HECTD4: variants seen among roughly 807,000 people sequenced by gnomAD.
HECTD4 encodes HECT domain E3 ubiquitin protein ligase 4, also known as probable E3 ubiquitin-protein ligase HECTD4.
In HECTD4, 114 loss-of-function variants were observed where a neutral mutation model predicts 471.5. That is an observed-to-expected ratio of 0.24 (90% confidence interval 0.21 to 0.28). The LOEUF is 0.28. HECTD4 is among the 10% of genes least tolerant of loss of function. HECTD4 has a pLI of 1.00. For missense variants in HECTD4, 3,866 were observed against 5,651.5 expected (o/e 0.68, Z 10.13); for synonymous variants, 2,012 against 2,256.0 (o/e 0.89, Z 3.07).
intron 4 of HECTD4, among the ~76,000 whole-genome samples, chr12:112,309,881 TCAGACAGTTACCAG>T (rs1249545206): frequency 6.6e-6 from 1 of 152,172 alleles, no homozygotes; most frequent in Non-Finnish European, 1.5e-5. Context: ...CAAGATATGG[TCAGACAGTTACCAG>T]CAGGGGAATG....
chr12:112,371,859 C>A (rs1487599872), intron 1 of HECTD4, among the ~76,000 whole-genome samples: 1 of 131,592 alleles, frequency 7.6e-6, no homozygotes. Flanking sequence ...GCACTCCAGA[C>A]TGGGCAACAA....
At chr12:112,257,697 A>C (rs1272840566) in intron 20 of HECTD4, among the ~76,000 whole-genome samples, 1 of 152,214 alleles carries the variant, frequency 6.6e-6, no homozygotes, top group Non-Finnish European at 1.5e-5. Context: ...ATTAGAGTCC[A>C]TTGTATGACT....
At chr12:112,364,584 C>T (rs553695173) in intron 1 of HECTD4, among the ~76,000 whole-genome samples, 1 of 152,090 alleles carries the variant, frequency 6.6e-6, no homozygotes, top group South Asian at 2.1e-4. Context: ...CAAAAATTAG[C>T]CAGCCGTGGT....
chr12:112,258,651 G>T, intron 19 of HECTD4, 55 bp from the exon 20 acceptor site: 1 of 1,408,172 alleles, frequency 7.1e-7, no homozygotes, highest in Non-Finnish European at 9.7e-7. Context: ...TTATCTGAAT[G>T]GTATGACAGC....
rs1180564086 is a variant in HECTD4 at position 112,161,122 on chromosome 12, C to G, written c.*1265G>C. The G allele has an allele frequency of 1.3e-5, 2 of 152,214 alleles. No homozygotes were observed. Among genetic ancestry groups the G allele is most frequent in the African/African-American group, 4.8e-5 (2 of 41,444 alleles). The allele number at this position is 152,214 out of a possible 1,614,324, so 9.4% of individuals were successfully genotyped here. On this transcript the variant is annotated 3_prime_UTR_variant, in exon 76 of 76. Coordinates refer to ENST00000682272, the MANE Select transcript of HECTD4 (RefSeq NM_001388303.1). The stretch of plus-strand genomic sequence containing the variant: ...GCACTCACTCAAAACTTCCAATATT[C>G]ACAATATTATACAATAAATACAGCG...
chr12:112,312,009 C>A (rs976201324), intron 4 of HECTD4, among the ~76,000 whole-genome samples: 1 of 152,160 alleles, frequency 6.6e-6, no homozygotes, highest in Non-Finnish European at 1.5e-5. Context: ...TGGAAAGGTA[C>A]AAGCCCTGGG....
rs981379663 is a variant in HECTD4 at position 112,162,931 on chromosome 12, G to T, written c.13120+111C>A. The T allele has an allele frequency of 2.3e-6, 2 of 887,418 alleles. No homozygotes were observed. The highest frequency in any genetic ancestry group is 3.5e-6 in the Non-Finnish European group (2 of 564,786). 55.0% of individuals were successfully genotyped at this position (887,418 alleles called of 1,614,324 possible). On this transcript the variant is annotated intron_variant, in intron 75 of 75. Coordinates refer to ENST00000682272, the MANE Select transcript of HECTD4 (RefSeq NM_001388303.1). This position sits in a 1 kb window ranked among gnomAD's most constrained non-coding sequence, Gnocchi z 5.2. Reference sequence around the variant, plus strand: ...CTCAATGATGTCTGAGTTTTGGCACGTGGGGCTCCTGTTCATTGTTCTCCC... The same window carrying T: ...CTCAATGATGTCTGAGTTTTGGCACTTGGGGCTCCTGTTCATTGTTCTCCC...
At chr12:112,190,000 C>T (rs200022931) in intron 60 of HECTD4, among the ~76,000 whole-genome samples, 1 of 152,148 alleles carries the variant, frequency 6.6e-6, no homozygotes, top group Non-Finnish European at 1.5e-5. Flanking sequence ...GTGATCAACC[C>T]GCCTTGGCCT....
In HECTD4 at chr12:112,332,322, C is replaced by T. The variant is rs897399756; in HGVS notation, c.178-12580G>A. On this transcript the variant is annotated intron_variant, in intron 1 of 75. Transcript: ENST00000682272. ...CTGAGGCAGGTGGATCACCTAAGGT[C>T]GGGAGTTTGAGACCAGCCTGGCCAA... 3.9e-5 allele frequency among the ~76,000 whole-genome samples: 6 copies of T among 152,076 alleles called. No homozygotes were observed. The South Asian group carries it at 1.0e-3, about 26-fold the overall frequency.
chr12:112,380,240 T>G (rs1353606807), intron 1 of HECTD4, among the ~76,000 whole-genome samples: 1 of 151,842 alleles, frequency 6.6e-6, no homozygotes, highest in Non-Finnish European at 1.5e-5. Flanking sequence ...AGGTCAGGAG[T>G]TCGAGACCAG....
chr12:112,193,518 C>T lies in HECTD4; in HGVS notation c.8906G>A (p.Gly2969Asp). The change falls in exon 57 of 76, where the codon GGC (glycine) becomes GAC (aspartate). Residue 2969 changes from glycine (G) to aspartate (D), a missense_variant. Physicochemically the swap from Gly to Asp is moderately conservative, Grantham distance 94. Transcript: ENST00000682272. This position sits in a 1 kb window ranked among gnomAD's most constrained non-coding sequence, Gnocchi z 5.2. ...CGTCAGCTCTAAAAGGCTCTCCTCG[C>T]CCTGGTGCAGGGTCCGGGTGATGGC... is the stretch of plus-strand genomic sequence containing the variant. ...NVAITRTLHQ[G>D]EESLLELTKQ... The T allele has an allele frequency of 6.2e-7, 1 of 1,612,236 alleles. No individual in the cohort carries two copies. The highest frequency in any genetic ancestry group is 8.5e-7 in the Non-Finnish European group (1 of 1,179,224).
At chr12:112,171,327 G>C in intron 67 of HECTD4, 64 bp from the exon 68 acceptor site, 2 of 1,545,086 alleles carry the variant, frequency 1.3e-6, no homozygotes, top group Admixed American at 2.0e-5. Context: ...TGACTCACAG[G>C]CAACACAGGC....
intron 64 of HECTD4, among the ~76,000 whole-genome samples, chr12:112,178,251 A>G (rs2031531794): frequency 6.6e-6 from 1 of 151,908 alleles, no homozygotes; most frequent in Admixed American, 6.6e-5. Context: ...TAATTTTTAT[A>G]TTGTTTTGTA....
intron 44 of HECTD4, among the ~76,000 whole-genome samples, chr12:112,219,875 C>T (rs984672947): frequency 2.0e-5 from 3 of 152,210 alleles, no homozygotes; most frequent in African/African-American, 7.2e-5. Context: ...GCTGGGATTA[C>T]AGGCTTGAGC....
intron 54 of HECTD4, 79 bp from the exon 55 acceptor site, chr12:112,200,877 G>T: frequency 3.3e-6 from 4 of 1,215,496 alleles, no homozygotes; most frequent in Non-Finnish European, 4.6e-6. Context: ...GTGTGTGTGC[G>T]TGCGTGCGTG....
rs779910340 is a variant in HECTD4, at chr12:112,193,033, A to G, written c.9086+28T>C. 1.9e-6 allele frequency: 3 copies of G among 1,612,956 alleles called. No individual in the cohort carries two copies. The Admixed American group carries it at 5.0e-5, about 27-fold the overall frequency. On this transcript the variant is annotated intron_variant, in intron 58 of 75. Coordinates refer to ENST00000682272, the MANE Select transcript of HECTD4 (RefSeq NM_001388303.1). The surrounding 1 kb of genome is among the most constrained non-coding windows in gnomAD (Gnocchi z 5.2). ...TTCATTTAGCTTTCCTCTCCCCATC[A>G]CCATCTTCTTGAGAACAGGCAACTT...
intron 4 of HECTD4, among the ~76,000 whole-genome samples, chr12:112,311,980 T>A (rs1270357243): frequency 6.6e-6 from 1 of 152,204 alleles, no homozygotes; most frequent in African/African-American, 2.4e-5. Flanking sequence ...CATGCCTGTT[T>A]AGAAGAAATG....
chr12:112,223,183 C>T lies in HECTD4; in HGVS notation c.6970+3460G>A, dbSNP rs11066200. ...AATTCTGACTTTGTAATCATGCTTC[C>T]CAGGAGTTCTGAGGAACTTCCAAAG... On this transcript the variant is annotated intron_variant, in intron 44 of 75. Transcript: ENST00000682272. 0.055 allele frequency among the ~76,000 whole-genome samples: 8,425 copies of T among 152,130 alleles called. 1,288 individuals carry two copies. In the East Asian group the frequency reaches 0.61, roughly 11 times the overall value.
intron 9 of HECTD4, among the ~76,000 whole-genome samples, chr12:112,278,074 G>A (rs572724035): frequency 6.6e-6 from 1 of 151,982 alleles, no homozygotes; most frequent in Non-Finnish European, 1.5e-5. Context: ...TAAAAATCAA[G>A]CAAATAAACA....
Sources: gnomAD v4.1 joint callset for allele counts (sites outside exome capture counted in the v4.1 genomes callset) on GRCh38, gnomAD v4.1.1 for gene constraint, Gnocchi (gnomAD v3.1) non-coding constraint, MANE v1.5 for transcripts, NCBI Gene and HGNC (gene_info 2026-07-23, HGNC 2026-07-21) for gene names.